Variants in TMTC1 observed in about 807,000 individuals in gnomAD.
The protein encoded by TMTC1 is protein O-mannosyl-transferase TMTC1.
TMTC1 carries 73 observed loss-of-function variants against 104.8 expected under a neutral mutation model. That is an observed-to-expected ratio of 0.70 (90% CI 0.58 to 0.85). The LOEUF (loss-of-function observed/expected upper bound fraction) is 0.85, where lower values mean the gene tolerates loss of function less well. Among genes scored for constraint, TMTC1 ranks in the 40% least tolerant of loss-of-function variants. The pLI is 0.00. For missense variants in TMTC1, 1,035 were observed against 1,096.1 expected, an observed-to-expected ratio of 0.94 and a Z score of 0.79; for synonymous variants, 434 against 428.7, an observed-to-expected ratio of 1.01 and a Z score of -0.15.
At chr12:29,523,525 G>A (rs116964580) in intron 11 of TMTC1, among the ~76,000 whole-genome samples, 12 of 152,208 alleles carry the variant, frequency 7.9e-5, no homozygotes, top group South Asian at 2.1e-4. Context: ...AAACTTTTAG[G>A]GCAAGCTTAA....
chr12:29,530,263 C>A (rs1382081766), intron 11 of TMTC1, among the ~76,000 whole-genome samples: 1 of 152,140 alleles, frequency 6.6e-6, no homozygotes, highest in African/African-American at 2.4e-5. Context: ...TCATTATACC[C>A]ACTCCTTTGC....
intron 8 of TMTC1, among the ~76,000 whole-genome samples, chr12:29,578,184 G>A (rs992725510): frequency 1.3e-5 from 2 of 151,882 alleles, no homozygotes; most frequent in Non-Finnish European, 2.9e-5. Context: ...AAGTAATAAT[G>A]TTCCTAACAG....
intron 5 of TMTC1, among the ~76,000 whole-genome samples, chr12:29,662,761 C>T (rs1044811424): frequency 1.3e-5 from 2 of 151,996 alleles, no homozygotes; most frequent in Non-Finnish European, 1.5e-5. Flanking sequence ...GAGAGCCTCA[C>T]GCTTCCTTCT....
rs537008184 is a variant in TMTC1, at chr12:29,782,932, T to C, written c.302+518A>G. 6.9e-4 allele frequency: 105 copies of C among 152,640 alleles called. No individual in the cohort carries two copies. The Middle Eastern group carries it at 0.01, about 15-fold the overall frequency. 9.5% of individuals were successfully genotyped at this position (152,640 alleles called of 1,614,324 possible). The stretch of plus-strand genomic sequence containing the variant: ...CGGGAGAGTTTTCTGCTCCCTCTCC[T>C]GAACCCACGCAGCCCTGTCAGCTCA... On this transcript the variant is annotated intron_variant, in intron 1 of 17. Transcript: ENST00000539277.
At chr12:29,578,717 T>G (rs1378800481) in intron 8 of TMTC1, among the ~76,000 whole-genome samples, 66 of 152,306 alleles carry the variant, frequency 4.3e-4, no homozygotes, top group Non-Finnish European at 1.2e-4. Flanking sequence ...ATCAATTTGT[T>G]TTGTTGGCAT....
chr12:29,527,000 C>T (rs1278415831), intron 11 of TMTC1, among the ~76,000 whole-genome samples: 2 of 152,092 alleles, frequency 1.3e-5, no homozygotes, highest in South Asian at 2.1e-4. Context: ...AGTCTATAAA[C>T]TCTCTTTTGG....
chr12:29,688,417 C>A (rs753614368), intron 5 of TMTC1, among the ~76,000 whole-genome samples: 1 of 152,184 alleles, frequency 6.6e-6, no homozygotes, highest in Non-Finnish European at 1.5e-5. Context: ...ATGCAACTCC[C>A]AGAAAGGAGG....
intron 12 of TMTC1, chr12:29,519,641 A>G (rs1210809010): frequency 6.6e-6 from 1 of 152,278 alleles, no homozygotes; most frequent in East Asian, 1.9e-4. Context: ...GGGTGGTCAC[A>G]GAGTTATCAT....
intron 9 of TMTC1, among the ~76,000 whole-genome samples, chr12:29,558,236 G>A (rs565293233): frequency 4.6e-5 from 7 of 152,192 alleles, no homozygotes; most frequent in East Asian, 1.9e-4. Context: ...TGAATAAGCC[G>A]GTAGAGCTGG....
At chr12:29,518,744 C>CTAAT in intron 12 of TMTC1, 137 bp from the exon 13 acceptor site, 5 of 1,104,098 alleles carry the variant, frequency 4.5e-6, no homozygotes, top group Non-Finnish European at 6.2e-6. Flanking sequence ...TGCAAATTAG[C>CTAAT]TTGCATTTCA....
At chr12:29,754,161 A>G (rs906867923) in intron 4 of TMTC1, among the ~76,000 whole-genome samples, 1 of 134,790 alleles carries the variant, frequency 7.4e-6, no homozygotes, top group African/African-American at 2.8e-5. Context: ...CACCACGCCC[A>G]GCCTAAAAGT....
chr12:29,657,543 A>T (rs1224686633), intron 5 of TMTC1, among the ~76,000 whole-genome samples: 3 of 151,482 alleles, frequency 2.0e-5, no homozygotes, highest in African/African-American at 7.3e-5. Flanking sequence ...GAAGTTGGAT[A>T]TCACATTATT....
At chr12:29,631,027 CA>C (rs1227080143) in intron 6 of TMTC1, among the ~76,000 whole-genome samples, 1 of 152,138 alleles carries the variant, frequency 6.6e-6, no homozygotes, top group Non-Finnish European at 1.5e-5. Flanking sequence ...AGCATCTTTT[CA>C]TGTATTTATT....
chr12:29,749,483 T>C (rs1160833145), intron 5 of TMTC1, among the ~76,000 whole-genome samples: 1 of 152,156 alleles, frequency 6.6e-6, no homozygotes, highest in African/African-American at 2.4e-5. Flanking sequence ...ACCAAGTTCA[T>C]AGTCACATGG....
At chr12:29,630,850 G>T (rs1938259136) in intron 6 of TMTC1, among the ~76,000 whole-genome samples, 1 of 152,144 alleles carries the variant, frequency 6.6e-6, no homozygotes, top group Admixed American at 6.5e-5. Context: ...TTTCCAAAAT[G>T]TCTGAATCAT....
At chr12:29,779,061 T>C (rs1275582985) in intron 1 of TMTC1, among the ~76,000 whole-genome samples, 1 of 152,212 alleles carries the variant, frequency 6.6e-6, no homozygotes, top group Non-Finnish European at 1.5e-5. Flanking sequence ...ACTGGCACTC[T>C]TCCCTGCAGA....
chr12:29,512,537 T>C (rs142777505), intron 16 of TMTC1, among the ~76,000 whole-genome samples: 123 of 152,356 alleles, frequency 8.1e-4, no homozygotes, highest in African/African-American at 2.9e-3. Flanking sequence ...CCTAATGCAG[T>C]ATCCCCTTTT....
intron 5 of TMTC1, among the ~76,000 whole-genome samples, chr12:29,651,961 T>C (rs1209437065): frequency 6.6e-6 from 1 of 152,210 alleles, no homozygotes; most frequent in African/African-American, 2.4e-5. Flanking sequence ...TGGAAGATTT[T>C]GTGCAAGATG....
intron 10 of TMTC1, among the ~76,000 whole-genome samples, chr12:29,544,247 A>G (rs894191999): frequency 6.6e-6 from 1 of 151,944 alleles, no homozygotes; most frequent in Non-Finnish European, 1.5e-5. Flanking sequence ...CATCTCAAAA[A>G]AAAAAAAAAA....
Sources: gnomAD v4.1 joint callset for allele counts (sites outside exome capture counted in the v4.1 genomes callset) on GRCh38, gnomAD v4.1.1 for gene constraint, MANE v1.5 for transcripts, NCBI Gene and HGNC (gene_info 2026-07-23, HGNC 2026-07-21) for gene names.